The following SAMHD1 variants were observed in gnomAD, a reference collection of about 807,000 sequenced individuals.
SAMHD1 encodes the protein deoxynucleoside triphosphate triphosphohydrolase SAMHD1.
SAMHD1 carries 54 observed loss-of-function variants against 79.6 expected under a neutral mutation model. The observed-to-expected ratio is 0.68, with a 90% CI of 0.55 to 0.85. The LOEUF is 0.85. Among genes scored for constraint, SAMHD1 ranks in the 40% least tolerant of loss-of-function variants. SAMHD1 has a pLI of 0.00. For missense variants in SAMHD1, 663 were observed against 782.7 expected (o/e 0.85, Z 1.82); for synonymous variants, 260 against 264.1 (o/e 0.98, Z 0.15).
intron 2 of SAMHD1, 130 bp downstream of exon 2, chr20:36,946,608 G>T: frequency 1.5e-6 from 1 of 688,696 alleles, no homozygotes; most frequent in Non-Finnish European, 2.6e-6. Context: ...GCAGGCAAGG[G>T]ATTCTGCTGT....
chr20:36,912,885 C>CTTTTTTT (rs1374227156), intron 9 of SAMHD1, among the ~76,000 whole-genome samples: 26 of 8,122 alleles, frequency 3.2e-3, no homozygotes, highest in East Asian at 6.7e-3. Flanking sequence ...AACTTTCATT[C>CTTTTTTT]TTTGTTTTTT....
At chr20:36,915,763 T>G (rs1034549787) in intron 9 of SAMHD1, among the ~76,000 whole-genome samples, 2 of 149,724 alleles carry the variant, frequency 1.3e-5, no homozygotes, top group Non-Finnish European at 3.0e-5. Flanking sequence ...TAAAGAAAAG[T>G]TTTATACAGA....
At chr20:36,894,697 G>A (rs1335384091) in intron 15 of SAMHD1, among the ~76,000 whole-genome samples, 1 of 151,672 alleles carries the variant, frequency 6.6e-6, no homozygotes, top group Non-Finnish European at 1.5e-5. Flanking sequence ...AACCCGGGAG[G>A]TGGAGGTTGC....
chr20:36,947,299 G>C (rs1298423568), intron 1 of SAMHD1, among the ~76,000 whole-genome samples: 1 of 148,330 alleles, frequency 6.7e-6, no homozygotes, highest in Non-Finnish European at 1.5e-5. Context: ...TCAATACTCT[G>C]ATTTGGAAGA....
intron 6 of SAMHD1, among the ~76,000 whole-genome samples, chr20:36,923,277 G>A (rs929180796): frequency 1.2e-4 from 19 of 152,062 alleles, no homozygotes; most frequent in African/African-American, 4.6e-4. Flanking sequence ...CAGATTACAG[G>A]CGCGAGCCAC....
At chr20:36,911,701 TAAC>T (rs1397647239) in intron 10 of SAMHD1, 2 of 207,792 alleles carry the variant, frequency 9.6e-6, no homozygotes, top group East Asian at 1.2e-4. Flanking sequence ...ACAACAACAA[TAAC>T]AACAACAAAA....
intron 6 of SAMHD1, among the ~76,000 whole-genome samples, chr20:36,924,034 G>A (rs1452709905): frequency 1.3e-5 from 2 of 152,134 alleles, no homozygotes; most frequent in African/African-American, 4.8e-5. Context: ...CAGATAGCTT[G>A]AGCTCGGGAG....
At chr20:36,945,287 ATTG>A (rs954653637) in intron 2 of SAMHD1, among the ~76,000 whole-genome samples, 1 of 152,138 alleles carries the variant, frequency 6.6e-6, no homozygotes, top group Non-Finnish European at 1.5e-5. Flanking sequence ...TCATCTCATT[ATTG>A]TTATCCATTT....
chr20:36,921,706 T>G (rs1024660926), intron 6 of SAMHD1, among the ~76,000 whole-genome samples: 9 of 151,014 alleles, frequency 6.0e-5, no homozygotes, highest in Non-Finnish European at 1.0e-4. Flanking sequence ...TGTGGTTGTT[T>G]TTTTTTTTTT....
intron 15 of SAMHD1, chr20:36,894,010 T>C (rs770533968): frequency 2.5e-6 from 1 of 398,392 alleles, no homozygotes; most frequent in Non-Finnish European, 4.4e-6. Flanking sequence ...GCAGTGACTA[T>C]TCTGTGGTTC....
At chr20:36,917,228 GA>G in intron 7 of SAMHD1, 179 bp from the exon 8 acceptor site, 1 of 620,280 alleles carries the variant, frequency 1.6e-6, no homozygotes, top group Non-Finnish European at 2.9e-6. Flanking sequence ...AGTAGAAAGG[GA>G]AAAGAAATGC....
intron 11 of SAMHD1, among the ~76,000 whole-genome samples, chr20:36,910,150 G>A (rs1016029092): frequency 2.0e-5 from 3 of 151,426 alleles, no homozygotes; most frequent in Non-Finnish European, 4.4e-5. Flanking sequence ...GTGAACCCGG[G>A]AGGCAGAGCT....
rs1324388232 is a variant in SAMHD1, at chr20:36,910,772, C to T, written c.1270+446G>A. Among the ~76,000 whole-genome samples the T allele has an allele frequency of 2.6e-5, 4 of 151,662 alleles. No homozygotes were observed. In the East Asian group the frequency reaches 5.8e-4, roughly 22 times the overall value. On this transcript the variant is annotated intron_variant, in intron 11 of 15. Coordinates refer to ENST00000646673, the MANE Select transcript of SAMHD1 (RefSeq NM_015474.4). Reference sequence around the variant, plus strand: ...TTAAATAATGTATATTGAGTACTTACGTATCAAGTCTATACTAGGTGCTAT... The same window carrying T: ...TTAAATAATGTATATTGAGTACTTATGTATCAAGTCTATACTAGGTGCTAT...
intron 3 of SAMHD1, among the ~76,000 whole-genome samples, chr20:36,936,461 C>A (rs560213910): frequency 6.6e-6 from 1 of 151,454 alleles, no homozygotes; most frequent in Non-Finnish European, 1.5e-5. Flanking sequence ...GCTGGGACTA[C>A]AGGCATGTAC....
chr20:36,944,838 A>G (rs969331048), intron 2 of SAMHD1, among the ~76,000 whole-genome samples: 3 of 152,076 alleles, frequency 2.0e-5, no homozygotes, highest in Non-Finnish European at 4.4e-5. Flanking sequence ...AGGTTGAGGT[A>G]AGACGAGATC....
chr20:36,912,977 ATTC>A lies in SAMHD1; in HGVS notation c.1063-428_1063-426del, dbSNP rs1394578460. Among the ~76,000 whole-genome samples the A allele has an allele frequency of 2.7e-5, 3 of 109,582 alleles. No individual in the cohort carries two copies. In the East Asian group the frequency reaches 8.0e-4, roughly 29 times the overall value. The allele number at this position is 109,582 out of a possible 152,430, so 71.9% of individuals were successfully genotyped here. On this transcript the variant is annotated intron_variant, in intron 9 of 15. Transcript: ENST00000646673. ...CAAGTCCTTCATTGCAAGAACTTTC[ATTC>A]TTTTTCTTTTCTTTCTTCCTTTTTT... is the stretch of plus-strand genomic sequence containing the variant.
intron 6 of SAMHD1, among the ~76,000 whole-genome samples, chr20:36,925,519 T>A (rs1601136999): frequency 6.6e-6 from 1 of 152,210 alleles, no homozygotes; most frequent in Non-Finnish European, 1.5e-5. Flanking sequence ...TCATCAAAAT[T>A]GAAAACGTCT....
At chr20:36,917,311 C>A (rs972905379) in intron 7 of SAMHD1, 1 of 417,864 alleles carries the variant, frequency 2.4e-6, no homozygotes, top group African/African-American at 2.0e-5. Context: ...TATTACATTT[C>A]CCAAAACCAA....
intron 2 of SAMHD1, among the ~76,000 whole-genome samples, chr20:36,942,868 G>A (rs183280361): frequency 6.6e-6 from 1 of 152,048 alleles, no homozygotes; most frequent in South Asian, 2.1e-4. Flanking sequence ...ATGTTAGCCA[G>A]GATGGTCTCG....
Sources: gnomAD v4.1 joint callset for allele counts (sites outside exome capture counted in the v4.1 genomes callset) on GRCh38, gnomAD v4.1.1 for gene constraint, MANE v1.5 for transcripts, NCBI Gene and HGNC (gene_info 2026-07-23, HGNC 2026-07-21) for gene names.